HNRNPH3: variants seen among roughly 807,000 people sequenced by gnomAD.
HNRNPH3 encodes heterogeneous nuclear ribonucleoprotein H3, also known as heterogeneous nuclear ribonucleoprotein 2H9.
HNRNPH3 carries 7 observed loss-of-function variants against 47.0 expected under a neutral mutation model. The ratio of observed to expected loss-of-function variants is 0.15; its 90% CI spans 0.08 to 0.28. HNRNPH3 has a LOEUF of 0.28. Ranked by LOEUF, HNRNPH3 falls within the 10% of genes least tolerant of loss-of-function variation. The pLI, the probability that HNRNPH3 is intolerant of heterozygous loss-of-function variation, is 1.00. For missense variants in HNRNPH3, 279 were observed against 449.6 expected (o/e 0.62, Z 3.43); for synonymous variants, 120 against 143.2 (o/e 0.84, Z 1.16).
chr10:68,337,680 T>C lies in HNRNPH3; in HGVS notation c.113-178T>C. 1 of 577,742 alleles carries C rather than the reference T, an allele frequency of 1.7e-6. No homozygotes were observed. The highest frequency in any genetic ancestry group is 1.9e-5 in the African/African-American group (1 of 53,690). The allele number at this position is 577,742 out of a possible 1,614,324, so 35.8% of individuals were successfully genotyped here. On this transcript the variant is annotated intron_variant, in intron 2 of 9. Transcript: ENST00000265866. This position sits in a 1 kb window ranked among gnomAD's most constrained non-coding sequence, Gnocchi z 4.5. ...GTTTTTACACTGGTCGCAAAAAATT[T>C]ATTTAATCCAGTAATATTTGAAAAA...
In HNRNPH3 at chr10:68,337,149, C is replaced by T. The variant is rs922946746; in HGVS notation, c.-23-50C>T. On this transcript the variant is annotated intron_variant, in intron 1 of 9. Transcript: ENST00000265866. The surrounding 1 kb of genome is among the most constrained non-coding windows in gnomAD (Gnocchi z 4.5). ...GAGGTGTTTCTTCATTACCTCTTGA[C>T]AAGAGTATATTTTGATTGACTGCTC... is the stretch of plus-strand genomic sequence containing the variant. 4.6e-6 allele frequency: 4 copies of T among 872,454 alleles called. No individual in the cohort carries two copies. The African/African-American group carries it at 5.1e-5, about 11-fold the overall frequency. The allele number at this position is 872,454 out of a possible 1,614,324, so 54.0% of individuals were successfully genotyped here.
intron 1 of HNRNPH3, among the ~76,000 whole-genome samples, chr10:68,335,424 C>G (rs2045494404): frequency 7.9e-6 from 1 of 126,200 alleles, no homozygotes; most frequent in African/African-American, 2.6e-5. Context: ...TAGGTTGGTG[C>G]TATTTAAAAA....
At chr10:68,332,870 G>C (rs1166932773) in intron 1 of HNRNPH3, 9 of 152,324 alleles carry the variant, frequency 5.9e-5, no homozygotes, top group Admixed American at 5.9e-4. Context: ...CAATGGCGAC[G>C]AAGGTGCTCA....
intron 1 of HNRNPH3, chr10:68,336,970 A>G (rs999568550): frequency 7.7e-6 from 3 of 387,804 alleles, no homozygotes; most frequent in African/African-American, 6.2e-5. Flanking sequence ...AATATATAAT[A>G]TTGATACTAC....
intron 1 of HNRNPH3, among the ~76,000 whole-genome samples, chr10:68,332,522 GC>G (rs1394794351): frequency 6.6e-6 from 1 of 152,226 alleles, no homozygotes; most frequent in African/African-American, 2.4e-5. Flanking sequence ...CAGTGGCGCG[GC>G]CACCTCGGCT....
At chr10:68,336,144 CAT>C (rs761417691) in intron 1 of HNRNPH3, among the ~76,000 whole-genome samples, 1 of 151,552 alleles carries the variant, frequency 6.6e-6, no homozygotes, top group Non-Finnish European at 1.5e-5. Flanking sequence ...GATCTTCAAA[CAT>C]AAAGGAATCA....
rs370095589 is a variant in HNRNPH3 at position 68,341,761 on chromosome 10, A to C, written c.874A>C (p.Asn292His). 22 of 1,600,270 alleles carry C rather than the reference A, an allele frequency of 1.4e-5. No individual in the cohort carries two copies. Among genetic ancestry groups the C allele is most frequent in the Non-Finnish European group, 1.8e-5 (21 of 1,174,968 alleles). Residue 292 changes from asparagine (N) to histidine (H), a missense_variant and splice_region_variant, in exon 9 of 10, where the codon AAT becomes CAT. By Grantham distance (68) the Asn-to-His change is moderately conservative (BLOSUM62 1). Transcript: ENST00000265866. ...MGGYGRDGMD[N>H]QGGYGSVGRM... ...TTTTTTCTTTTTTCTTTTTAAAGAT[A>C]ATCAGGGAGGCTATGGATCAGTTGG...
At chr10:68,338,392 T>C (rs1589707878) in intron 3 of HNRNPH3, 111 bp from the exon 4 acceptor site, 1 of 580,754 alleles carries the variant, frequency 1.7e-6, no homozygotes, top group East Asian at 2.9e-5. Flanking sequence ...TTAGGCAATT[T>C]AAATTGGGTT....
rs370692711 is a variant in HNRNPH3 at position 68,339,245 on chromosome 10, A to G, written c.523+19A>G. On this transcript the variant is annotated intron_variant, in intron 5 of 9. Coordinates refer to ENST00000265866, the MANE Select transcript of HNRNPH3 (RefSeq NM_012207.3). ...GGAAGAGGTAAAATAAATATTAAAGACATTTTTATTCATAGGTAAATTTTA... is the reference window on the plus strand; with the variant it reads ...GGAAGAGGTAAAATAAATATTAAAGGCATTTTTATTCATAGGTAAATTTTA... 1.6e-5 allele frequency: 25 copies of G among 1,573,232 alleles called. No individual in the cohort carries two copies. The African/African-American group carries it at 3.2e-4, about 20-fold the overall frequency.
chr10:68,334,052 A>G (rs565536502), intron 1 of HNRNPH3, among the ~76,000 whole-genome samples: 1 of 151,692 alleles, frequency 6.6e-6, no homozygotes, highest in African/African-American at 2.4e-5. Context: ...AAATAATGTT[A>G]TCTTTGATTT....
At chr10:68,333,674 CT>C (rs2045354689) in intron 1 of HNRNPH3, among the ~76,000 whole-genome samples, 1 of 152,102 alleles carries the variant, frequency 6.6e-6, no homozygotes, top group South Asian at 2.1e-4. Context: ...GTCCTGAGAA[CT>C]GGATCCGTAA....
intron 6 of HNRNPH3, chr10:68,340,970 C>T (rs1258796061): frequency 6.8e-6 from 3 of 443,742 alleles, no homozygotes; most frequent in Non-Finnish European, 1.2e-5. Context: ...CCCTGCCTAT[C>T]TGCTTATTTT....
intron 1 of HNRNPH3, among the ~76,000 whole-genome samples, chr10:68,332,446 C>G (rs112706221): frequency 0.041 from 6,243 of 152,306 alleles, 159 homozygotes; most frequent in Non-Finnish European, 0.046. Context: ...GACGCCGAGG[C>G]CCGAAGTAGG....
intron 3 of HNRNPH3, 73 bp downstream of exon 3, chr10:68,338,069 GGGGGTAGCCATAACATTTTTCT>G: frequency 8.7e-7 from 1 of 1,145,786 alleles, no homozygotes; most frequent in Non-Finnish European, 1.2e-6. Context: ...GCTTAAATGG[GGGGGTAGCCATAACATTTTTCT>G]GGGGTAGTTT....
chr10:68,335,951 GC>G (rs1380502808), intron 1 of HNRNPH3, among the ~76,000 whole-genome samples: 1 of 152,278 alleles, frequency 6.6e-6, no homozygotes, highest in East Asian at 1.9e-4. Flanking sequence ...GGCACCTAGG[GC>G]TGAAGGTGAT....
rs186752099 is a variant in HNRNPH3 at position 68,342,608 on chromosome 10, T to G, written c.*554T>G. On this transcript the variant is annotated 3_prime_UTR_variant, in exon 10 of 10. Coordinates refer to ENST00000265866, the MANE Select transcript of HNRNPH3 (RefSeq NM_012207.3). ...TTTATCAGGCATAGCTCTGAAACATTGATGATCTAAGAGGTATTGATTTCT... is the reference window on the plus strand; with the variant it reads ...TTTATCAGGCATAGCTCTGAAACATGGATGATCTAAGAGGTATTGATTTCT... 1 of 152,738 alleles carries G rather than the reference T, an allele frequency of 6.5e-6. No individual in the cohort carries two copies. The highest frequency in any genetic ancestry group is 2.4e-5 in the African/African-American group (1 of 41,560). The allele number at this position is 152,738 out of a possible 1,614,324, so 9.5% of individuals were successfully genotyped here. A position where few individuals can be genotyped will look rare whatever the true frequency, so the allele number is the denominator to read the frequency against.
rs765226249 is a variant in HNRNPH3 at position 68,339,165 on chromosome 10, T to C, written c.462T>C (p.Gly154=). 3.7e-6 allele frequency: 6 copies of C among 1,610,384 alleles called. No individual in the cohort carries two copies. The African/African-American group carries it at 8.0e-5, about 22-fold the overall frequency. ...GTTATGGAGGTTTTGATGACTATGG[T>C]GGCTATAATAATTACGGCTATGGGA... ...DGGYGGFDDY[G]GYNNYGYGND... is the part of the protein sequence containing the mutation. The change falls in exon 5 of 10, where the codon GGT becomes GGC. Residue 154 remains glycine, a synonymous_variant. Coordinates refer to ENST00000265866, the MANE Select transcript of HNRNPH3 (RefSeq NM_012207.3).
In HNRNPH3 at chr10:68,338,603, A is replaced by G. The variant is rs372463651; in HGVS notation, c.352A>G (p.Ile118Val). The G allele has an allele frequency of 7.9e-5, 128 of 1,613,368 alleles. No individual in the cohort carries two copies. Among genetic ancestry groups the G allele is most frequent in the Non-Finnish European group, 1.0e-4 (119 of 1,179,656 alleles). The stretch of plus-strand genomic sequence containing the variant: ...GCGACCGGGACCATATGATAGACCA[A>G]TAGGAGGAAGAGGGGGTTATTATGG... ...GQRPGPYDRP[I>V]GGRGGYYGAG... is the part of the protein sequence containing the mutation. The change falls in exon 4 of 10, where the codon ATA (isoleucine) becomes GTA (valine). Residue 118 changes from isoleucine (I) to valine (V), a missense_variant. Physicochemically the swap from Ile to Val is conservative, Grantham distance 29 (BLOSUM62 3). Transcript: ENST00000265866.
At chr10:68,335,930 A>G (rs555046248) in intron 1 of HNRNPH3, among the ~76,000 whole-genome samples, 17 of 152,284 alleles carry the variant, frequency 1.1e-4, no homozygotes, top group Admixed American at 7.8e-4. Context: ...TTGGTTTTCT[A>G]TGTCTAGAGT....
Sources: allele counts gnomAD v4.1 joint callset (sites outside exome capture counted in the v4.1 genomes callset), GRCh38; gene constraint gnomAD v4.1.1; non-coding constraint Gnocchi (gnomAD v3.1); transcripts MANE v1.5; gene names NCBI Gene and HGNC (gene_info 2026-07-23, HGNC 2026-07-21).